The following COL5A2 variants were observed in gnomAD, a reference collection of about 807,000 sequenced individuals.
COL5A2 encodes the protein collagen type V alpha 2 chain, also known as collagen alpha-2(V) chain.
COL5A2 carries 23 observed loss-of-function variants against 208.2 expected under a neutral mutation model. That is an observed-to-expected ratio of 0.11 (90% confidence interval 0.08 to 0.16). The LOEUF is 0.16. Among genes scored for constraint, COL5A2 ranks in the 10% least tolerant of loss-of-function variants. The probability of loss-of-function intolerance (pLI) is 1.00; values close to 1 mark genes in which losing one functional copy is unlikely to be tolerated. For missense variants in COL5A2, 1,590 were observed against 1,956.4 expected, an observed-to-expected ratio of 0.81 and a Z score of 3.53; for synonymous variants, 625 against 628.5, an observed-to-expected ratio of 0.99 and a Z score of 0.08.
chr2:189,213,566 T>G (rs1469468093), intron 1 of COL5A2, among the ~76,000 whole-genome samples: 3 of 152,134 alleles, frequency 2.0e-5, no homozygotes, highest in Non-Finnish European at 4.4e-5. Context: ...AACTGCACCA[T>G]CACTATGCAA....
At chr2:189,422,589 T>C in the COL5A2 span, among the ~76,000 whole-genome samples, 3 of 152,202 alleles carry the variant, frequency 2.0e-5, no homozygotes, top group African/African-American at 7.2e-5. Flanking sequence ...ATTCTCTCAA[T>C]GGCACATGGA....
chr2:189,365,718 C>T, the COL5A2 span, among the ~76,000 whole-genome samples: 1 of 152,164 alleles, frequency 6.6e-6, no homozygotes, highest in South Asian at 2.1e-4. Flanking sequence ...TAGAACATGT[C>T]ATTTAAAGTT....
At chr2:189,358,091 A>T in the COL5A2 span, among the ~76,000 whole-genome samples, 1 of 152,086 alleles carries the variant, frequency 6.6e-6, no homozygotes, top group Non-Finnish European at 1.5e-5. Flanking sequence ...TAAACCGGGT[A>T]CCTCAGTTGG....
intron 1 of COL5A2, among the ~76,000 whole-genome samples, chr2:189,194,194 A>C (rs2105849138): frequency 6.6e-6 from 1 of 152,152 alleles, no homozygotes; most frequent in South Asian, 2.1e-4. Flanking sequence ...CCAAACCAAA[A>C]GTCTGACAAA....
chr2:189,434,657 C>A, the COL5A2 span, among the ~76,000 whole-genome samples: 1 of 152,170 alleles, frequency 6.6e-6, no homozygotes, highest in Non-Finnish European at 1.5e-5. Context: ...CTACAAATCA[C>A]TGCTAAACGA....
chr2:189,428,275 C>T, the COL5A2 span, among the ~76,000 whole-genome samples: 2 of 152,132 alleles, frequency 1.3e-5, no homozygotes, highest in African/African-American at 4.8e-5. Context: ...ATTATTTAGC[C>T]CTATACCCCT....
chr2:189,395,046 G>A, the COL5A2 span, among the ~76,000 whole-genome samples: 1 of 152,118 alleles, frequency 6.6e-6, no homozygotes, highest in Non-Finnish European at 1.5e-5. Flanking sequence ...GATAAAAAGA[G>A]ATCAGAGAAA....
upstream of COL5A2, among the ~76,000 whole-genome samples, chr2:189,229,109 CCTTTCAGGATAAAGACT>C (rs1256487320): frequency 1.1e-4 from 17 of 151,626 alleles, no homozygotes; most frequent in Admixed American, 1.1e-3. Context: ...AAGTCAATAT[CCTTTCAGGATAAAGACT>C]CCACGAACTA....
intron 2 of COL5A2, among the ~76,000 whole-genome samples, chr2:189,109,437 TG>T (rs755007692): frequency 3.3e-5 from 5 of 152,142 alleles, no homozygotes; most frequent in Non-Finnish European, 7.4e-5. Flanking sequence ...TTATTGTATT[TG>T]CTGTTATTTG....
At chr2:189,334,541 G>T in the COL5A2 span, among the ~76,000 whole-genome samples, 12 of 151,760 alleles carry the variant, frequency 7.9e-5, no homozygotes, top group Non-Finnish European at 1.6e-4. Flanking sequence ...CAAATTTCAA[G>T]ATCTTTATTA....
intron 1 of COL5A2, among the ~76,000 whole-genome samples, chr2:189,144,691 G>A (rs2105778081): frequency 1.3e-5 from 2 of 152,100 alleles, no homozygotes; most frequent in South Asian, 4.1e-4. Context: ...GATGATAAGT[G>A]CTTATAATTC....
chr2:189,187,292 C>G (rs369059305), intron 1 of COL5A2, among the ~76,000 whole-genome samples: 2 of 152,320 alleles, frequency 1.3e-5, no homozygotes, highest in East Asian at 3.9e-4. Flanking sequence ...TATTGGTTTT[C>G]AAGACCTAGC....
At chr2:189,168,039 A>G (rs189027994) in intron 1 of COL5A2, among the ~76,000 whole-genome samples, 2,278 of 148,524 alleles carry the variant, frequency 0.015, 24 homozygotes, top group Non-Finnish European at 0.024. Flanking sequence ...CCAGGTTCAC[A>G]CCATTCTCCT....
At chr2:189,110,189 C>G in intron 2 of COL5A2, 36 bp downstream of exon 2, 1 of 1,395,162 alleles carries the variant, frequency 7.2e-7, no homozygotes, top group South Asian at 1.2e-5. Context: ...AGGTGAGTAA[C>G]TGGATCAATT....
At chr2:189,130,613 CAG>C (rs1473047476) in intron 1 of COL5A2, among the ~76,000 whole-genome samples, 10 of 151,922 alleles carry the variant, frequency 6.6e-5, no homozygotes, top group Non-Finnish European at 1.3e-4. Context: ...GAAATAAAAT[CAG>C]AGTATTGCCA....
At chr2:189,076,686 T>G (rs1161204011) in intron 16 of COL5A2, among the ~76,000 whole-genome samples, 1 of 152,160 alleles carries the variant, frequency 6.6e-6, no homozygotes, top group Admixed American at 6.5e-5. Context: ...TTGGGATGGC[T>G]GAATTCTCAA....
chr2:189,179,767 CT>C (rs556475066), upstream of COL5A2: 2 of 1,234,010 alleles, frequency 1.6e-6, no homozygotes, highest in African/African-American at 1.5e-5. Flanking sequence ...TCTGCGAAAA[CT>C]TTTTTCAAGC....
chr2:189,402,223 TTTTG>T, the COL5A2 span, among the ~76,000 whole-genome samples: 1 of 152,144 alleles, frequency 6.6e-6, no homozygotes, highest in Non-Finnish European at 1.5e-5. Context: ...CGTTTCAGTT[TTTTG>T]TTTGTTTTTG....
chr2:189,114,922 C>A (rs1419578332), intron 1 of COL5A2, among the ~76,000 whole-genome samples: 1 of 151,472 alleles, frequency 6.6e-6, no homozygotes, highest in South Asian at 2.1e-4. Flanking sequence ...AAAAAGAACG[C>A]CAAAACTATA....
Sources: gnomAD v4.1 joint callset for allele counts (sites outside exome capture counted in the v4.1 genomes callset) on GRCh38, gnomAD v4.1.1 for gene constraint, MANE v1.5 for transcripts, NCBI Gene and HGNC (gene_info 2026-07-23, HGNC 2026-07-21) for gene names.